PCSK5: variants seen among roughly 807,000 people sequenced by gnomAD.
PCSK5 encodes the protein proprotein convertase subtilisin/kexin type 5, also known as prohormone convertase 5.
Under a neutral mutation model 233.2 loss-of-function variants are expected in PCSK5, and 129 were observed. The observed-to-expected ratio is 0.55, with a 90% confidence interval of 0.48 to 0.64. The LOEUF (loss-of-function observed/expected upper bound fraction) is 0.64, where lower values mean the gene tolerates loss of function less well. Among genes scored for constraint, PCSK5 ranks in the 30% least tolerant of loss-of-function variants. PCSK5 has a pLI of 0.00. For synonymous variants in PCSK5, 825 were observed against 879.2 expected (o/e 0.94, Z 1.09); for missense variants, 2,076 against 2,430.1 (o/e 0.85, Z 3.06).
chr9:76,216,722 T>C (rs377407174), intron 20 of PCSK5, among the ~76,000 whole-genome samples: 19 of 152,362 alleles, frequency 1.2e-4, no homozygotes, highest in African/African-American at 4.3e-4. Context: ...CCATGCCTGG[T>C]TGACTTCTTA....
chr9:76,286,308 C>T lies in PCSK5; in HGVS notation c.3143-5925C>T, dbSNP rs17062349. The stretch of plus-strand genomic sequence containing the variant: ...GCCAGATGTTTTAATGGCAGCTTAT[C>T]TGAGGTCCATCAATCCTTTGAATAT... On this transcript the variant is annotated intron_variant, in intron 24 of 37. Coordinates refer to ENST00000674117, the MANE Select transcript of PCSK5 (RefSeq NM_001372043.1). Among the ~76,000 whole-genome samples the T allele has an allele frequency of 9.9e-3, 1,507 of 152,312 alleles. 25 individuals carry two copies. Among genetic ancestry groups the T allele is most frequent in the African/African-American group, 0.035 (1,443 of 41,564 alleles).
chr9:76,093,080 CTTTTTTT>C (rs71372045), intron 7 of PCSK5, among the ~76,000 whole-genome samples: 26 of 85,710 alleles, frequency 3.0e-4, no homozygotes, highest in East Asian at 3.7e-4. Context: ...TTGTCTTTCC[CTTTTTTT>C]TTTTTTTTTT....
At chr9:76,109,464 A>G (rs1832117499) in intron 9 of PCSK5, among the ~76,000 whole-genome samples, 1 of 150,576 alleles carries the variant, frequency 6.6e-6, no homozygotes, top group African/African-American at 2.4e-5. Context: ...TCTTTTAATC[A>G]CGATTTAAGC....
intron 12 of PCSK5, among the ~76,000 whole-genome samples, chr9:76,165,844 G>A (rs1246308890): frequency 6.6e-6 from 1 of 152,190 alleles, no homozygotes; most frequent in African/African-American, 2.4e-5. Context: ...TGTTCACGCT[G>A]GGCATTAAGC....
chr9:76,005,002 TG>T (rs1827416698), intron 3 of PCSK5, among the ~76,000 whole-genome samples: 1 of 152,222 alleles, frequency 6.6e-6, no homozygotes, highest in Non-Finnish European at 1.5e-5. Flanking sequence ...GAGGTTATAG[TG>T]GTACCTCCAA....
chr9:76,216,443 A>G (rs978834473), intron 20 of PCSK5, among the ~76,000 whole-genome samples: 1 of 152,206 alleles, frequency 6.6e-6, no homozygotes, highest in African/African-American at 2.4e-5. Context: ...GCTCACAACC[A>G]ATTCCTGACC....
intron 1 of PCSK5, among the ~76,000 whole-genome samples, chr9:75,930,999 C>T (rs879478749): frequency 2.6e-5 from 4 of 152,160 alleles, no homozygotes; most frequent in African/African-American, 4.8e-5. Flanking sequence ...CGCCTGCATT[C>T]CCCGCTTGTT....
chr9:76,029,385 A>C (rs1454204566), intron 5 of PCSK5, among the ~76,000 whole-genome samples: 1 of 152,160 alleles, frequency 6.6e-6, no homozygotes, highest in Non-Finnish European at 1.5e-5. Flanking sequence ...AAAAATAAAA[A>C]TAAAAACTCA....
intron 37 of PCSK5, 144 bp from the exon 38 acceptor site, chr9:76,358,367 AAC>A (rs1170087207): frequency 3.1e-6 from 2 of 652,544 alleles, no homozygotes; most frequent in African/African-American, 3.7e-5. Flanking sequence ...TAAAATTAAA[AAC>A]AGAGGAAAAT....
rs769851283 is a variant in PCSK5, at chr9:75,908,968, TATCTATCTATCTATCTATCTATCC to T, written c.192+17596_192+17619del. On this transcript the variant is annotated intron_variant, in intron 1 of 37. Transcript: ENST00000674117. ...CTATCTATCTATCTATCTATCTATCTATCTATCTATCTATCTATCTATCCGATTTTCTCTCCTCTGCTAGATAAT... is the reference window on the plus strand; with the variant it reads ...CTATCTATCTATCTATCTATCTATCTGATTTTCTCTCCTCTGCTAGATAAT... 4.4e-4 allele frequency among the ~76,000 whole-genome samples: 57 copies of T among 128,852 alleles called. No individual in the cohort carries two copies. In the East Asian group the frequency reaches 0.012, roughly 27 times the overall value. The allele number at this position is 128,852 out of a possible 152,430, so 84.5% of individuals were successfully genotyped here.
At chr9:75,966,803 A>G (rs995476641) in intron 2 of PCSK5, among the ~76,000 whole-genome samples, 4 of 152,248 alleles carry the variant, frequency 2.6e-5, no homozygotes, top group Non-Finnish European at 5.9e-5. Flanking sequence ...GCAGGGTCAC[A>G]TACTATGTAA....
intron 1 of PCSK5, among the ~76,000 whole-genome samples, chr9:75,896,310 T>G (rs551461581): frequency 6.6e-6 from 1 of 152,294 alleles, no homozygotes; most frequent in South Asian, 2.1e-4. Flanking sequence ...CTATTTGAAG[T>G]GAAAAACTGC....
intron 20 of PCSK5, among the ~76,000 whole-genome samples, chr9:76,214,659 G>T (rs1825457233): frequency 6.6e-6 from 1 of 152,162 alleles, no homozygotes; most frequent in African/African-American, 2.4e-5. Context: ...GATCAAGTAA[G>T]TTAGTATTTG....
chr9:76,261,300 G>A (rs976595950), intron 24 of PCSK5, among the ~76,000 whole-genome samples: 6 of 152,162 alleles, frequency 3.9e-5, no homozygotes, highest in African/African-American at 9.7e-5. Context: ...ATAAACCGTT[G>A]CCTTTCTCCA....
intron 9 of PCSK5, among the ~76,000 whole-genome samples, chr9:76,123,105 A>G (rs1330630618): frequency 1.3e-5 from 2 of 152,058 alleles, no homozygotes; most frequent in African/African-American, 4.8e-5. Flanking sequence ...TGGCCTCTCA[A>G]AGTGCTGGGA....
At chr9:76,287,260 AC>A in intron 24 of PCSK5, 1 of 225,150 alleles carries the variant, frequency 4.4e-6, no homozygotes, top group Non-Finnish European at 9.9e-6. Context: ...CTCTCCCTTC[AC>A]CCAGAAGGAG....
At chr9:76,211,016 G>T (rs921111420) in intron 20 of PCSK5, among the ~76,000 whole-genome samples, 5 of 152,172 alleles carry the variant, frequency 3.3e-5, no homozygotes, top group African/African-American at 1.2e-4. Context: ...GGCTAAAGTG[G>T]TAAGGCTTGT....
intron 21 of PCSK5, among the ~76,000 whole-genome samples, chr9:76,229,315 G>T (rs1826001157): frequency 6.6e-6 from 1 of 152,120 alleles, no homozygotes; most frequent in Admixed American, 6.5e-5. Flanking sequence ...TTTAACATTT[G>T]TTTAATAAGG....
chr9:75,953,688 T>C (rs1824969778), intron 2 of PCSK5, among the ~76,000 whole-genome samples: 1 of 151,980 alleles, frequency 6.6e-6, no homozygotes. Flanking sequence ...AGATTTACAG[T>C]AGAGTTAGAG....
Sources: gnomAD v4.1 joint callset for allele counts (sites outside exome capture counted in the v4.1 genomes callset) on GRCh38, gnomAD v4.1.1 for gene constraint, MANE v1.5 for transcripts, NCBI Gene and HGNC (gene_info 2026-07-23, HGNC 2026-07-21) for gene names.